The following TRIP10 variants were observed in gnomAD, a reference collection of about 807,000 sequenced individuals.
TRIP10 encodes thyroid hormone receptor interactor 10, also known as cdc42-interacting protein 4.
A neutral mutation model predicts 80.9 loss-of-function variants in TRIP10; 54 were observed. That is an observed-to-expected ratio of 0.67 (90% CI 0.54 to 0.84). The LOEUF (loss-of-function observed/expected upper bound fraction) is 0.84, where lower values mean the gene tolerates loss of function less well. TRIP10 is among the 40% of genes least tolerant of loss of function. The pLI is 0.00. For synonymous variants in TRIP10, 321 were observed against 307.2 expected (o/e 1.04, Z -0.47); for missense variants, 773 against 815.3 (o/e 0.95, Z 0.63).
chr19:6,749,672 A>G (rs1429128647), intron 11 of TRIP10, among the ~76,000 whole-genome samples: 1 of 151,934 alleles, frequency 6.6e-6, no homozygotes, highest in African/African-American at 2.4e-5. Context: ...ACATAGCCAG[A>G]CCCCATCTCT....
chr19:6,746,396 G>C lies in TRIP10; in HGVS notation c.1153-56G>C, dbSNP rs954010549. ...GAGTGAAATATCTCAGACGGGTGCA[G>C]AGTCTGGCAGGCTAGACTCCTTGAT... On this transcript the variant is annotated intron_variant, in intron 10 of 14. Transcript: ENST00000313244. This position sits in a 1 kb window ranked among gnomAD's most constrained non-coding sequence, Gnocchi z 6.2. 2 of 1,596,960 alleles carry C rather than the reference G, an allele frequency of 1.3e-6. No homozygotes were observed. The highest frequency in any genetic ancestry group is 3.4e-5 in the Admixed American group (2 of 59,288).
In TRIP10 at chr19:6,751,052, C is replaced by T; in HGVS notation, c.1658-11C>T. ...AAAGCAGATCTGGGCCCACCCCCAC[C>T]CCCATCACAGGGTCCAGCGAGGGCA... On this transcript the variant is annotated splice_polypyrimidine_tract_variant and intron_variant, in intron 14 of 14. Coordinates refer to ENST00000313244, the MANE Select transcript of TRIP10 (RefSeq NM_001288962.2). 2.0e-6 allele frequency: 3 copies of T among 1,524,678 alleles called. No individual in the cohort carries two copies. Among genetic ancestry groups the T allele is most frequent in the Non-Finnish European group, 2.6e-6 (3 of 1,135,110 alleles). 94.4% of individuals were successfully genotyped at this position (1,524,678 alleles called of 1,614,324 possible).
In TRIP10 at chr19:6,749,918, G is replaced by C; in HGVS notation, c.1263-16G>C. Reference sequence around the variant, plus strand: ...GGAAGTATGTTTTCCTGTCTATCCTGTCTCCCTTGTCATAGGGAAGCCCTA... The same window carrying C: ...GGAAGTATGTTTTCCTGTCTATCCTCTCTCCCTTGTCATAGGGAAGCCCTA... On this transcript the variant is annotated splice_polypyrimidine_tract_variant and intron_variant, in intron 11 of 14. Coordinates refer to ENST00000313244, the MANE Select transcript of TRIP10 (RefSeq NM_001288962.2). The C allele has an allele frequency of 6.2e-7, 1 of 1,611,636 alleles. No individual in the cohort carries two copies. The highest frequency in any genetic ancestry group is 8.5e-7 in the Non-Finnish European group (1 of 1,178,978).
At chr19:6,750,192 G>C in intron 12 of TRIP10, 100 bp from the exon 13 acceptor site, 2 of 1,579,722 alleles carry the variant, frequency 1.3e-6, no homozygotes, top group Non-Finnish European at 1.7e-6. Flanking sequence ...TTCCATCACA[G>C]CCTTGGCTGT....
rs778397757 is a variant in TRIP10 at position 6,743,753 on chromosome 19, A to G, written c.559A>G (p.Lys187Glu). ...TCGGAGTCACATGGCCGAAGAAAGC[A>G]AAAACGAATATGCGGCTCAACTGCA... is the stretch of plus-strand genomic sequence containing the variant. ...HLRSHMAEESKNEYAAQLQRF... is the reference protein window; with the variant it reads ...HLRSHMAEESENEYAAQLQRF... Residue 187 changes from lysine (K) to glutamate (E), a missense_variant, in exon 7 of 15, where the codon AAA (lysine) becomes GAA (glutamate). By Grantham distance (56) the Lys-to-Glu change is moderately conservative. Coordinates refer to ENST00000313244, the MANE Select transcript of TRIP10 (RefSeq NM_001288962.2). 6.2e-7 allele frequency: 1 copy of G among 1,614,028 alleles called. No homozygotes were observed. Among genetic ancestry groups the G allele is most frequent in the African/African-American group, 1.3e-5 (1 of 74,902 alleles).
rs892499841 is a variant in TRIP10 at position 6,745,861 on chromosome 19, T to G, written c.985-168T>G. ...GTGGTTGTGCATCTTGAGTTGTGGT[T>G]TTCTTACCGTTTTTTTTCTTTCTCC... On this transcript the variant is annotated intron_variant, in intron 9 of 14. Transcript: ENST00000313244. This position sits in a 1 kb window ranked among gnomAD's most constrained non-coding sequence, Gnocchi z 7.2. 1.0e-6 allele frequency: 1 copy of G among 985,242 alleles called. No individual in the cohort carries two copies. Among genetic ancestry groups the G allele is most frequent in the African/African-American group, 1.7e-5 (1 of 57,212 alleles). The allele number at this position is 985,242 out of a possible 1,614,324, so 61.0% of individuals were successfully genotyped here.
In TRIP10 at chr19:6,750,349, C is replaced by T. The variant is rs763246648; in HGVS notation, c.1453C>T (p.Arg485Trp). 5.0e-6 allele frequency: 8 copies of T among 1,613,902 alleles called. No homozygotes were observed. The highest frequency in any genetic ancestry group is 4.5e-5 in the East Asian group (2 of 44,876). Residue 485 changes from arginine (R) to tryptophan (W), a missense_variant, in exon 13 of 15, where the codon CGG becomes TGG. Arg to Trp is a moderately radical substitution (Grantham distance 101). Transcript: ENST00000313244. ...VLSNRGDSLS[R>W]HARPPDPPAS... ...TAGCAACCGGGGAGACAGCCTGAGC[C>T]GGCACGCCCGGCCTCCCGACCCCCC...
In TRIP10 at chr19:6,745,707, G is replaced by A. The variant is rs550477584; in HGVS notation, c.985-322G>A. 6.8e-4 allele frequency: 669 copies of A among 985,160 alleles called. No individual in the cohort carries two copies. The highest frequency in any genetic ancestry group is 7.7e-4 in the Non-Finnish European group (638 of 829,876). 61.0% of individuals were successfully genotyped at this position (985,160 alleles called of 1,614,324 possible). A position where few individuals can be genotyped will look rare whatever the true frequency, so the allele number is the denominator to read the frequency against. On this transcript the variant is annotated intron_variant, in intron 9 of 14. Transcript: ENST00000313244. The surrounding 1 kb of genome is among the most constrained non-coding windows in gnomAD (Gnocchi z 7.2). ...GCCTCCTGGACCCATGCTTGCTCCC[G>A]GACATAACATTCCAGAGACCTAGGA...
At chr19:6,740,988 C>G in intron 1 of TRIP10, 22 bp from the exon 2 acceptor site, 1 of 1,603,352 alleles carries the variant, frequency 6.2e-7, no homozygotes, top group Non-Finnish European at 8.5e-7. Context: ...CTCCCCTCCT[C>G]CCCCACCATG....
Position 6,746,053 on chromosome 19 carries a change from CT to C in TRIP10, c.1010del (p.Leu337ArgfsTer26), listed in dbSNP as rs1373960063. 8 of 1,443,020 alleles carry C rather than the reference CT, an allele frequency of 5.5e-6. No homozygotes were observed. In the African/African-American group the frequency reaches 5.8e-5, roughly 10 times the overall value. The allele number at this position is 1,443,020 out of a possible 1,614,324, so 89.4% of individuals were successfully genotyped here. A position where few individuals can be genotyped will look rare whatever the true frequency, so the allele number is the denominator to read the frequency against. On this transcript the variant is annotated frameshift_variant, in exon 10 of 15. Coordinates refer to ENST00000313244, the MANE Select transcript of TRIP10 (RefSeq NM_001288962.2). LOFTEE classifies it high-confidence loss of function. This position sits in a 1 kb window ranked among gnomAD's most constrained non-coding sequence, Gnocchi z 6.2. ...GCCTCGCCCCCCACCCCTCTCCCCC[CT>C]GGGGGGCCCCGTACCCTCGGCATTG... Reference protein sequence around the residue: ...NKPRPPPLSPLGGPVPSALPN... With the variant: ...NKPRPPPLSPXGGPVPSALPN...
At chr19:6,750,172 T>G in intron 12 of TRIP10, 106 bp downstream of exon 12, 1 of 1,570,146 alleles carries the variant, frequency 6.4e-7, no homozygotes, top group Non-Finnish European at 8.7e-7. Context: ...GCGGGGGGTC[T>G]CCAGCTGTTT....
At position 6,744,174 on chromosome 19, in the gene TRIP10, C is replaced by T. The variant is rs1363460718; in HGVS notation, c.642+338C>T. On this transcript the variant is annotated intron_variant, in intron 7 of 14. Transcript: ENST00000313244. The surrounding 1 kb of genome is among the most constrained non-coding windows in gnomAD (Gnocchi z 4.9). ...AAATTCCTACTTATTCTTCTAAGCT[C>T]CACCTCTAACAACCCCTCTGAAAGG... is the stretch of plus-strand genomic sequence containing the variant. Among the ~76,000 whole-genome samples, 1 of 152,180 alleles carries T rather than the reference C, an allele frequency of 6.6e-6. No individual in the cohort carries two copies. The highest frequency in any genetic ancestry group is 6.5e-5 in the Admixed American group (1 of 15,272).
In TRIP10 at chr19:6,750,588, C is replaced by G; in HGVS notation, c.1612C>G (p.Pro538Ala). 1 of 1,614,222 alleles carries G rather than the reference C, an allele frequency of 6.2e-7. No individual in the cohort carries two copies. The highest frequency in any genetic ancestry group is 1.7e-5 in the Admixed American group (1 of 60,020). ...GTTTGATGAGGATTTCGAGGAGGAACCCACATCCCCCATAGGTCACTGTGT... is the reference window on the plus strand; with the variant it reads ...GTTTGATGAGGATTTCGAGGAGGAAGCCACATCCCCCATAGGTCACTGTGT... ...TEFDEDFEEEPTSPIGHCVAI... is the reference protein window; with the variant it reads ...TEFDEDFEEEATSPIGHCVAI... The change falls in exon 14 of 15, where the codon CCC (proline) becomes GCC (alanine). Residue 538 changes from proline (P) to alanine (A), a missense_variant. Transcript: ENST00000313244.
At position 6,741,144 on chromosome 19, in the gene TRIP10, C is replaced by T. The variant is rs1375600239; in HGVS notation, c.140+19C>T. The T allele has an allele frequency of 6.2e-7, 1 of 1,614,056 alleles. No homozygotes were observed. The highest frequency in any genetic ancestry group is 1.1e-5 in the South Asian group (1 of 91,082). Reference sequence around the variant, plus strand: ...AACTGCGGTGAGACCCTGGGGTGGACGCTACGGAGGACGCGCCTGGGGCGA... The same window carrying T: ...AACTGCGGTGAGACCCTGGGGTGGATGCTACGGAGGACGCGCCTGGGGCGA... On this transcript the variant is annotated intron_variant, in intron 2 of 14. Coordinates refer to ENST00000313244, the MANE Select transcript of TRIP10 (RefSeq NM_001288962.2).
chr19:6,743,387 GAC>G, intron 5 of TRIP10, 105 bp from the exon 6 acceptor site: 1 of 1,527,042 alleles, frequency 6.5e-7, no homozygotes, highest in Non-Finnish European at 9.0e-7. Flanking sequence ...GTACTCCCTT[GAC>G]CCCTACTTAC....
At position 6,751,190 on chromosome 19, in the gene TRIP10, C is replaced by T. The variant is rs1385665253; in HGVS notation, c.1785C>T (p.Tyr595=). ...EGGEGYVPTS[Y]LRVTLN is the part of the protein sequence containing the mutation. The stretch of plus-strand genomic sequence containing the variant: ...GCGAGGGCTACGTGCCCACCTCCTA[C>T]CTCCGAGTCACGCTCAATTGAACCC... Residue 595 remains tyrosine, a synonymous_variant, in exon 15 of 15, where the codon TAC becomes TAT. Coordinates refer to ENST00000313244, the MANE Select transcript of TRIP10 (RefSeq NM_001288962.2). 1 of 1,613,848 alleles carries T rather than the reference C, an allele frequency of 6.2e-7. No individual in the cohort carries two copies. The highest frequency in any genetic ancestry group is 2.2e-5 in the East Asian group (1 of 44,882).
rs1029170628 is a variant in TRIP10, at chr19:6,744,354, C to G, written c.643-200C>G. Among the ~76,000 whole-genome samples, 3 of 152,184 alleles carry G rather than the reference C, an allele frequency of 2.0e-5. No homozygotes were observed. Among genetic ancestry groups the G allele is most frequent in the African/African-American group, 7.2e-5 (3 of 41,444 alleles). ...CTTTGCTGACCCCCTAGGCACGCGT[C>G]CCCCTCTGAGATCCCCCTGGCCCTG... On this transcript the variant is annotated intron_variant, in intron 7 of 14. Transcript: ENST00000313244. This position sits in a 1 kb window ranked among gnomAD's most constrained non-coding sequence, Gnocchi z 4.9.
chr19:6,743,839 G>C lies in TRIP10; in HGVS notation c.642+3G>C, dbSNP rs758120258. 1 of 1,613,670 alleles carries C rather than the reference G, an allele frequency of 6.2e-7. No homozygotes were observed. The highest frequency in any genetic ancestry group is 8.5e-7 in the Non-Finnish European group (1 of 1,179,896). On this transcript the variant is annotated splice_donor_region_variant and intron_variant, in intron 7 of 14. Coordinates refer to ENST00000313244, the MANE Select transcript of TRIP10 (RefSeq NM_001288962.2). ...CACAGATGCCCCAGATATTCGATGT[G>C]AGTGCTCCCAGTTCTCAGACCTACC...
rs339405 is a variant in TRIP10 at position 6,744,751 on chromosome 19, A to C, written c.790-49A>C. ...GGCTACGGGAAGGGCAGAGGGAGGT[A>C]CCCATAGGCTAGGCACTCGACTGCT... On this transcript the variant is annotated intron_variant, in intron 8 of 14. Transcript: ENST00000313244. This position sits in a 1 kb window ranked among gnomAD's most constrained non-coding sequence, Gnocchi z 4.9. 1,314,713 of 1,591,926 alleles carry C rather than the reference A, an allele frequency of 0.83. 545,004 individuals are homozygous for C. Among genetic ancestry groups the C allele is most frequent in the Non-Finnish European group, 0.84 (979,956 of 1,167,736 alleles).
Sources: allele counts gnomAD v4.1 joint callset (sites outside exome capture counted in the v4.1 genomes callset), GRCh38; gene constraint gnomAD v4.1.1; non-coding constraint Gnocchi (gnomAD v3.1); transcripts MANE v1.5; gene names NCBI Gene and HGNC (gene_info 2026-07-23, HGNC 2026-07-21).